Variants in EXOC6B observed in about 807,000 individuals in gnomAD.
EXOC6B encodes the protein SEC15 homolog B.
A neutral mutation model predicts 113.5 loss-of-function variants in EXOC6B; 54 were observed. That is an observed-to-expected ratio of 0.48 (90% CI 0.38 to 0.60). The LOEUF is 0.60. Among genes scored for constraint, EXOC6B ranks in the 20% least tolerant of loss-of-function variants. EXOC6B has a pLI of 0.00. For missense variants in EXOC6B, 797 were observed against 977.5 expected, an observed-to-expected ratio of 0.82 and a Z score of 2.46; for synonymous variants, 357 against 339.0, an observed-to-expected ratio of 1.05 and a Z score of -0.58.
intron 20 of EXOC6B, among the ~76,000 whole-genome samples, chr2:72,209,993 T>C (rs1680085867): frequency 6.6e-6 from 1 of 152,226 alleles, no homozygotes; most frequent in Admixed American, 6.5e-5. Flanking sequence ...CTGCTACACA[T>C]GGATTATGCA....
chr2:72,480,812 A>C, intron 16 of EXOC6B, 62 bp from the exon 17 acceptor site: 1 of 1,493,712 alleles, frequency 6.7e-7, no homozygotes, highest in Non-Finnish European at 9.1e-7. Context: ...GAATGGCTCA[A>C]TATGAATCTG....
chr2:72,355,701 T>C (rs924937434), intron 19 of EXOC6B, among the ~76,000 whole-genome samples: 1 of 152,220 alleles, frequency 6.6e-6, no homozygotes, highest in Non-Finnish European at 1.5e-5. Flanking sequence ...AGAAGCAGCT[T>C]ATTTTAAAAT....
intron 6 of EXOC6B, among the ~76,000 whole-genome samples, chr2:72,631,426 G>GTGTGTGTA (rs1290760055): frequency 5.0e-4 from 14 of 28,184 alleles, no homozygotes; most frequent in African/African-American, 1.5e-3. Flanking sequence ...GTGTGTGTGT[G>GTGTGTGTA]TATATATATA....
At chr2:72,601,176 G>GTGTGTGCGTGTGTGTA (rs1553450422) in intron 6 of EXOC6B, among the ~76,000 whole-genome samples, 1 of 147,538 alleles carries the variant, frequency 6.8e-6, no homozygotes. Flanking sequence ...GTGTGTGTGT[G>GTGTGTGCGTGTGTGTA]TATATCTTTT....
At chr2:72,778,246 C>T (rs1683818310) in intron 1 of EXOC6B, among the ~76,000 whole-genome samples, 1 of 152,078 alleles carries the variant, frequency 6.6e-6, no homozygotes, top group Non-Finnish European at 1.5e-5. Context: ...GTATAAAACA[C>T]TCACTTTAGA....
intron 20 of EXOC6B, among the ~76,000 whole-genome samples, chr2:72,331,888 C>A (rs1030683639): frequency 6.6e-6 from 1 of 151,992 alleles, no homozygotes; most frequent in Non-Finnish European, 1.5e-5. Flanking sequence ...TTTTGCTATC[C>A]GCATCTAATT....
chr2:72,636,623 C>CA (rs1468451866), intron 6 of EXOC6B, among the ~76,000 whole-genome samples: 3 of 152,062 alleles, frequency 2.0e-5, no homozygotes, highest in African/African-American at 4.8e-5. Context: ...AAAATGTTGA[C>CA]AAAATCCAAC....
intron 6 of EXOC6B, among the ~76,000 whole-genome samples, chr2:72,689,674 T>A (rs943149881): frequency 6.6e-6 from 1 of 152,144 alleles, no homozygotes; most frequent in Admixed American, 6.5e-5. Flanking sequence ...ACTCACACGC[T>A]TGTTCTCCTA....
intron 5 of EXOC6B, among the ~76,000 whole-genome samples, chr2:72,723,871 G>A (rs1442473404): frequency 2.0e-5 from 3 of 152,058 alleles, no homozygotes; most frequent in African/African-American, 7.2e-5. Flanking sequence ...TTGGACATCA[G>A]GCAACATAGA....
rs189291824 is a variant in EXOC6B, at chr2:72,295,097, G to T, written c.2196+39850C>A. On this transcript the variant is annotated intron_variant, in intron 20 of 21. Coordinates refer to ENST00000272427, the MANE Select transcript of EXOC6B (RefSeq NM_015189.3). Reference sequence around the variant, plus strand: ...AATATAAAAATTAGCCGGGCATAGTGGCGTGCACCTGTATTCCCAGCTACT... The same window carrying T: ...AATATAAAAATTAGCCGGGCATAGTTGCGTGCACCTGTATTCCCAGCTACT... 6.9e-4 allele frequency among the ~76,000 whole-genome samples: 105 copies of T among 151,900 alleles called. No homozygotes were observed. In the Middle Eastern group the frequency reaches 0.02, roughly 30 times the overall value.
At chr2:72,182,302 T>A (rs879896446) in intron 21 of EXOC6B, among the ~76,000 whole-genome samples, 2 of 152,096 alleles carry the variant, frequency 1.3e-5, no homozygotes, top group Non-Finnish European at 2.9e-5. Flanking sequence ...ATCCAGAGAT[T>A]CCTGGGAACG....
intron 19 of EXOC6B, among the ~76,000 whole-genome samples, chr2:72,353,544 T>A (rs1445938629): frequency 2.6e-5 from 4 of 151,976 alleles, no homozygotes; most frequent in African/African-American, 9.7e-5. Flanking sequence ...GCTACTTTTT[T>A]TGTACTTTTA....
chr2:72,718,147 T>A lies in EXOC6B; in HGVS notation c.625A>T (p.Ile209Phe), dbSNP rs1368059155. ...MSDLKDFLES[I>F]RKHSDKIGET... is the part of the protein sequence containing the mutation. Reference sequence around the variant, plus strand: ...CCAATTTTGTCTGAATGTTTGCGGATGCTCTCCAGAAAGTCTTTGAGATCG... The same window carrying A: ...CCAATTTTGTCTGAATGTTTGCGGAAGCTCTCCAGAAAGTCTTTGAGATCG... The change falls in exon 6 of 22, where the codon ATC (isoleucine) becomes TTC (phenylalanine). Residue 209 changes from isoleucine to phenylalanine, a missense_variant. Ile to Phe is a conservative substitution (Grantham distance 21). Transcript: ENST00000272427. 1.2e-6 allele frequency: 2 copies of A among 1,613,562 alleles called. No homozygotes were observed. The highest frequency in any genetic ancestry group is 2.7e-5 in the African/African-American group (2 of 74,932).
chr2:72,665,321 G>A (rs1675311648), intron 6 of EXOC6B, among the ~76,000 whole-genome samples: 1 of 152,096 alleles, frequency 6.6e-6, no homozygotes, highest in African/African-American at 2.4e-5. Context: ...CACTCAAGAG[G>A]TTGACATGCA....
intron 6 of EXOC6B, among the ~76,000 whole-genome samples, chr2:72,619,179 CAG>C (rs139874004): frequency 5.0e-3 from 729 of 144,586 alleles, no homozygotes; most frequent in Non-Finnish European, 4.9e-3. Flanking sequence ...AATACACAGC[CAG>C]AGAGAGAGAG....
At chr2:72,562,655 T>A (rs1703950183) in intron 7 of EXOC6B, among the ~76,000 whole-genome samples, 1 of 152,174 alleles carries the variant, frequency 6.6e-6, no homozygotes. Context: ...TGTCCAAATT[T>A]GACAAATCAT....
chr2:72,655,357 C>A (rs116378865), intron 6 of EXOC6B, among the ~76,000 whole-genome samples: 2,570 of 151,218 alleles, frequency 0.017, 68 homozygotes, highest in African/African-American at 0.058. Flanking sequence ...TTTTAAAGGG[C>A]AAACTAAAAA....
intron 19 of EXOC6B, among the ~76,000 whole-genome samples, chr2:72,367,218 T>C (rs1690677165): frequency 6.6e-6 from 1 of 152,152 alleles, no homozygotes; most frequent in South Asian, 2.1e-4. Flanking sequence ...TGGCATAATA[T>C]TATTTTAAGG....
At chr2:72,245,269 G>A (rs1476879677) in intron 20 of EXOC6B, among the ~76,000 whole-genome samples, 1 of 152,128 alleles carries the variant, frequency 6.6e-6, no homozygotes, top group Non-Finnish European at 1.5e-5. Context: ...GGTGGGTATT[G>A]GGAAAAGAAC....
Sources: allele counts gnomAD v4.1 joint callset (sites outside exome capture counted in the v4.1 genomes callset), GRCh38; gene constraint gnomAD v4.1.1; transcripts MANE v1.5; gene names NCBI Gene and HGNC (gene_info 2026-07-23, HGNC 2026-07-21).